Variants in NAV3 observed in about 807,000 individuals in gnomAD.
NAV3 encodes neuron navigator 3.
A neutral mutation model predicts 244.7 loss-of-function variants in NAV3; 87 were observed. The observed-to-expected ratio is 0.36, with a 90% CI of 0.30 to 0.42. The LOEUF (loss-of-function observed/expected upper bound fraction) is 0.42, where lower values mean the gene tolerates loss of function less well. Among genes scored for constraint, NAV3 ranks in the 20% least tolerant of loss-of-function variants. The pLI is 1.00. For synonymous variants in NAV3, 1,126 were observed against 1,042.2 expected, an observed-to-expected ratio of 1.08 and a Z score of -1.55; for missense variants, 2,663 against 2,893.3, an observed-to-expected ratio of 0.92 and a Z score of 1.83.
Position 78,208,243 on chromosome 12 carries a change from A to G in NAV3, c.7039-2155A>G, listed in dbSNP as rs146656215. 1.7e-3 allele frequency among the ~76,000 whole-genome samples: 266 copies of G among 152,252 alleles called. 1 individual carries two copies. Among genetic ancestry groups the G allele is most frequent in the Non-Finnish European group, 2.9e-3 (199 of 68,008 alleles). On this transcript the variant is annotated intron_variant, in intron 39 of 39. Transcript: ENST00000397909. ...ACTCTTTAATAACCTGCTCTCGCAC[A>G]TGAACTAATCCATTCCCTCCAGAGT...
intron 35 of NAV3, 35 bp downstream of exon 35, chr12:78,197,436 GAAAT>G: frequency 6.8e-7 from 1 of 1,467,864 alleles, no homozygotes; most frequent in South Asian, 1.5e-5. Flanking sequence ...AATGAAATAT[GAAAT>G]AATTATCATC....
intron 12 of NAV3, among the ~76,000 whole-genome samples, chr12:78,112,956 C>T (rs1357596982): frequency 6.6e-6 from 1 of 152,198 alleles, no homozygotes; most frequent in Admixed American, 6.5e-5. Context: ...TGGGTAAATA[C>T]ACAGATTCCA....
At chr12:77,901,767 T>A (rs1196775007) in intron 1 of NAV3, among the ~76,000 whole-genome samples, 1 of 152,084 alleles carries the variant, frequency 6.6e-6, no homozygotes, top group African/African-American at 2.4e-5. Context: ...GTATGGCCCA[T>A]GGCTGCCTGT....
intron 2 of NAV3, among the ~76,000 whole-genome samples, chr12:77,798,163 AAAAC>A (rs3078748): frequency 8.1e-4 from 122 of 149,906 alleles, no homozygotes; most frequent in African/African-American, 2.4e-3. Context: ...CCGTGTCTCA[AAAAC>A]AAACAAACAA....
In NAV3 at chr12:78,181,056, G is replaced by T; in HGVS notation, c.5692+11G>T. On this transcript the variant is annotated intron_variant, in intron 30 of 39. Coordinates refer to ENST00000397909, the MANE Select transcript of NAV3 (RefSeq NM_001024383.2). ...AGGCTGTTAGCTCAGGTGATTTAGTGCACATGCTTGCCTGAATCACAGCAT... is the reference window on the plus strand; with the variant it reads ...AGGCTGTTAGCTCAGGTGATTTAGTTCACATGCTTGCCTGAATCACAGCAT... 1 of 1,611,828 alleles carries T rather than the reference G, an allele frequency of 6.2e-7. No individual in the cohort carries two copies. Among genetic ancestry groups the T allele is most frequent in the Non-Finnish European group, 8.5e-7 (1 of 1,178,564 alleles).
chr12:78,087,448 A>G (rs1203108887), intron 12 of NAV3, among the ~76,000 whole-genome samples: 1 of 152,068 alleles, frequency 6.6e-6, no homozygotes, highest in Non-Finnish European at 1.5e-5. Context: ...AAGCATCTAG[A>G]TGTTACCAAA....
In NAV3 at chr12:78,210,718, C is replaced by G; in HGVS notation, c.*201C>G. On this transcript the variant is annotated 3_prime_UTR_variant, in exon 40 of 40. Transcript: ENST00000397909. ...ATGGAAGCTTAACTTTAGTTTATTT[C>G]TAAGCATTTTTTATATCTGTGGAGT... 3 of 603,624 alleles carry G rather than the reference C, an allele frequency of 5.0e-6. No homozygotes were observed. The highest frequency in any genetic ancestry group is 8.6e-6 in the Non-Finnish European group (3 of 348,218). 37.4% of individuals were successfully genotyped at this position (603,624 alleles called of 1,614,324 possible). A position where few individuals can be genotyped will look rare whatever the true frequency, so the allele number is the denominator to read the frequency against.
intron 1 of NAV3, among the ~76,000 whole-genome samples, chr12:77,898,940 A>G (rs563061890): frequency 6.6e-6 from 1 of 152,178 alleles, no homozygotes; most frequent in Non-Finnish European, 1.5e-5. Context: ...AGTTGTTTCT[A>G]ACTATTATGG....
At chr12:77,846,362 G>T (rs1359964339) in intron 1 of NAV3, among the ~76,000 whole-genome samples, 2 of 152,288 alleles carry the variant, frequency 1.3e-5, no homozygotes, top group East Asian at 3.9e-4. Flanking sequence ...GATAATATAT[G>T]CAGGAAGATA....
chr12:77,679,930 C>T (rs973381174), intron 2 of NAV3, among the ~76,000 whole-genome samples: 3 of 152,028 alleles, frequency 2.0e-5, no homozygotes, highest in Admixed American at 6.6e-5. Flanking sequence ...AGCTTACCAT[C>T]GAACCAGAAG....
At chr12:77,886,340 CA>C (rs770081822) in intron 1 of NAV3, among the ~76,000 whole-genome samples, 17 of 152,260 alleles carry the variant, frequency 1.1e-4, no homozygotes, top group Non-Finnish European at 2.2e-4. Flanking sequence ...TTTGAACTCC[CA>C]TACATTCCCC....
intron 20 of NAV3, 126 bp downstream of exon 20, chr12:78,140,460 C>T (rs552892365): frequency 2.0e-5 from 17 of 834,014 alleles, no homozygotes; most frequent in Non-Finnish European, 2.7e-5. Context: ...AGCAAAATAA[C>T]GGCATACTCT....
chr12:77,888,254 G>A lies in NAV3; in HGVS notation c.244-52065G>A, dbSNP rs530859963. Among the ~76,000 whole-genome samples, 3 of 152,192 alleles carry A rather than the reference G, an allele frequency of 2.0e-5. No individual in the cohort carries two copies. In the East Asian group the frequency reaches 5.8e-4, roughly 29 times the overall value. On this transcript the variant is annotated intron_variant, in intron 1 of 39. Transcript: ENST00000397909. ...TGCCTGTAATCCCAAGGAGGTAGAG[G>A]CAGGGGGATTACTTGAGACCAGGAG...
chr12:78,211,605 C>A lies in NAV3; in HGVS notation c.*1088C>A, dbSNP rs1304134073. ...TTTGACCGTCACTTAAAACCTAAGA[C>A]ATGTGGCGAAATTCCATCCAGTTCT... On this transcript the variant is annotated 3_prime_UTR_variant, in exon 40 of 40. Coordinates refer to ENST00000397909, the MANE Select transcript of NAV3 (RefSeq NM_001024383.2). 27 of 152,238 alleles carry A rather than the reference C, an allele frequency of 1.8e-4. No homozygotes were observed. In the Admixed American group the frequency reaches 1.8e-3, roughly 10 times the overall value. 9.4% of individuals were successfully genotyped at this position (152,238 alleles called of 1,614,324 possible).
At chr12:77,976,666 C>CTTTTTTTTTTTTTTT (rs1295751885) in intron 5 of NAV3, among the ~76,000 whole-genome samples, 1 of 58,062 alleles carries the variant, frequency 1.7e-5, no homozygotes, top group African/African-American at 6.5e-5. Context: ...TTCTTTCTTT[C>CTTTTTTTTTTTTTTT]TTTTTTTCTT....
chr12:78,202,389 G>A (rs1959804858), intron 38 of NAV3, among the ~76,000 whole-genome samples: 1 of 152,110 alleles, frequency 6.6e-6, no homozygotes, highest in South Asian at 2.1e-4. Context: ...CTAATAGAAA[G>A]CAAAGGAATC....
intron 2 of NAV3, among the ~76,000 whole-genome samples, chr12:77,771,958 T>C (rs1870114342): frequency 6.6e-6 from 1 of 152,154 alleles, no homozygotes; most frequent in African/African-American, 2.4e-5. Context: ...GGATTTAGGT[T>C]ATTTCAAAAT....
chr12:77,653,305 T>G (rs548695614), intron 2 of NAV3, among the ~76,000 whole-genome samples: 1 of 152,316 alleles, frequency 6.6e-6, no homozygotes, highest in Admixed American at 6.5e-5. Context: ...AGGTGCTAAT[T>G]GAGTATTTGT....
chr12:77,613,129 A>C (rs2136828408), intron 2 of NAV3, among the ~76,000 whole-genome samples: 1 of 152,328 alleles, frequency 6.6e-6, no homozygotes, highest in East Asian at 1.9e-4. Flanking sequence ...GAAATGAAAC[A>C]AAAATAGTCT....
Sources: gnomAD v4.1 joint callset for allele counts (sites outside exome capture counted in the v4.1 genomes callset) on GRCh38, gnomAD v4.1.1 for gene constraint, MANE v1.5 for transcripts, NCBI Gene and HGNC (gene_info 2026-07-23, HGNC 2026-07-21) for gene names.